RAG1: variants seen among roughly 807,000 people sequenced by gnomAD.
RAG1 encodes V(D)J recombination-activating protein 1.
Under a neutral mutation model 62.7 loss-of-function variants are expected in RAG1, and 35 were observed. The ratio of observed to expected loss-of-function variants is 0.56; its 90% CI spans 0.43 to 0.74. The LOEUF is 0.74. Ranked by LOEUF, RAG1 falls within the 30% of genes least tolerant of loss-of-function variation. The probability of loss-of-function intolerance (pLI) is 0.00; values close to 1 mark genes in which losing one functional copy is unlikely to be tolerated. For synonymous variants in RAG1, 461 were observed against 470.3 expected (o/e 0.98, Z 0.26); for missense variants, 1,169 against 1,278.6 (o/e 0.91, Z 1.31).
At position 36,514,501 on chromosome 11, in the gene RAG1, G is replaced by A. The variant is rs369423025; in HGVS notation, n.330+3463G>A. ...GATTCAAGTGCATTACATTTATTGCGCACTTTATTTCTATTATCATTACAT... is the reference window on the plus strand; with the variant it reads ...GATTCAAGTGCATTACATTTATTGCACACTTTATTTCTATTATCATTACAT... On this transcript the variant is annotated intron_variant and non_coding_transcript_variant, in intron 1 of 2. Coordinates refer to the RAG1 transcript ENST00000529126. Among the ~76,000 whole-genome samples the A allele has an allele frequency of 3.1e-4, 47 of 152,222 alleles. No homozygotes were observed. In the East Asian group the frequency reaches 3.9e-3, roughly 13 times the overall value.
In RAG1 at chr11:36,573,877, A is replaced by C. The variant is rs1850789362; in HGVS notation, c.573A>C (p.Pro191=). 6.2e-7 allele frequency: 1 copy of C among 1,614,098 alleles called. No homozygotes were observed. The highest frequency in any genetic ancestry group is 8.5e-7 in the Non-Finnish European group (1 of 1,180,024). ...SIMHRKFSSA[P]CEVYFPRNVT... ...TGCACAGGAAGTTTAGCAGTGCCCC[A>C]TGTGAGGTTTACTTCCCGAGGAACG... Residue 191 remains proline, a synonymous_variant, in exon 2 of 2, where the codon CCA becomes CCC. Coordinates refer to ENST00000299440, the MANE Select transcript of RAG1 (RefSeq NM_000448.3).
At chr11:36,521,967 A>G (rs1040482166) in intron 2 of RAG1, among the ~76,000 whole-genome samples, 8 of 152,290 alleles carry the variant, frequency 5.3e-5, no homozygotes, top group Non-Finnish European at 8.8e-5. Context: ...TAAGCAGGAA[A>G]GCATTCAAGA....
At chr11:36,524,083 T>C (rs1372368945) in intron 2 of RAG1, among the ~76,000 whole-genome samples, 1 of 152,170 alleles carries the variant, frequency 6.6e-6, no homozygotes, top group Non-Finnish European at 1.5e-5. Flanking sequence ...ATTTTTGGAC[T>C]GGGGTTGGCT....
At chr11:36,518,525 T>C (rs1048962243) in intron 1 of RAG1, among the ~76,000 whole-genome samples, 1 of 152,238 alleles carries the variant, frequency 6.6e-6, no homozygotes, top group African/African-American at 2.4e-5. Context: ...TTTTTAATGA[T>C]CGCCATTCTA....
At chr11:36,558,571 A>G (rs2133278211) in intron 3 of RAG1, among the ~76,000 whole-genome samples, 1 of 152,302 alleles carries the variant, frequency 6.6e-6, no homozygotes, top group South Asian at 2.1e-4. Flanking sequence ...TTTATCTAAT[A>G]TAAGCGTAGT....
chr11:36,540,881 T>C (rs1860406700), downstream of RAG1, among the ~76,000 whole-genome samples: 1 of 152,188 alleles, frequency 6.6e-6, no homozygotes, highest in Non-Finnish European at 1.5e-5. Context: ...AGTTCATTGG[T>C]TTAAATCCTC....
At chr11:36,530,795 G>A (rs1171334334) in intron 2 of RAG1, among the ~76,000 whole-genome samples, 1 of 151,826 alleles carries the variant, frequency 6.6e-6, no homozygotes, top group Admixed American at 6.6e-5. Context: ...GTTGTTGGAT[G>A]GAGTGCTCTG....
chr11:36,531,062 T>G (rs78113634), intron 2 of RAG1, among the ~76,000 whole-genome samples: 3 of 44,664 alleles, frequency 6.7e-5, no homozygotes, highest in Non-Finnish European at 1.2e-4. Context: ...GATTAAGGGT[T>G]TTTTTTTGCA....
At chr11:36,542,245 T>A (rs148956000) in intron 3 of RAG1, among the ~76,000 whole-genome samples, 4 of 152,340 alleles carry the variant, frequency 2.6e-5, no homozygotes, top group African/African-American at 9.6e-5. Flanking sequence ...TTATATGAAT[T>A]AATTTAGCTG....
At chr11:36,569,728 A>G (rs1850710331) in intron 1 of RAG1, among the ~76,000 whole-genome samples, 2 of 152,068 alleles carry the variant, frequency 1.3e-5, no homozygotes, top group Admixed American at 1.3e-4. Flanking sequence ...TGATACAAAA[A>G]TTAATAAAAT....
chr11:36,561,510 C>T (rs1203255646), intron 3 of RAG1, among the ~76,000 whole-genome samples: 1 of 152,096 alleles, frequency 6.6e-6, no homozygotes. Context: ...TTTGGCTAAA[C>T]ATTATTCCTC....
At chr11:36,523,303 G>C (rs1209035298) in intron 2 of RAG1, among the ~76,000 whole-genome samples, 1 of 152,154 alleles carries the variant, frequency 6.6e-6, no homozygotes, top group Non-Finnish European at 1.5e-5. Context: ...ATAGTGAATA[G>C]GTCTCATAAG....
At chr11:36,569,979 C>T (rs1397752844) in intron 1 of RAG1, among the ~76,000 whole-genome samples, 1 of 152,158 alleles carries the variant, frequency 6.6e-6, no homozygotes, top group East Asian at 1.9e-4. Context: ...TGCATCAGTG[C>T]ATACAGAAAA....
In RAG1 at chr11:36,575,960, A is replaced by G; in HGVS notation, c.2656A>G (p.Met886Val). ...GAGGCACGAGGCTCTGAGGGAGCTGATGGATCTTTACCTGAAGATGAAACC... is the reference window on the plus strand; with the variant it reads ...GAGGCACGAGGCTCTGAGGGAGCTGGTGGATCTTTACCTGAAGATGAAACC... ...EERHEALREL[M>V]DLYLKMKPVW... The change falls in exon 2 of 2, where the codon ATG becomes GTG. Residue 886 changes from methionine (M) to valine (V), a missense_variant. Around this residue, in one of 2 missense-constraint regions of RAG1, gnomAD observed 800 missense variants for 943.3 expected, o/e 0.85. Transcript: ENST00000299440. This position sits in a 1 kb window ranked among gnomAD's most constrained non-coding sequence, Gnocchi z 4.1. 1.9e-6 allele frequency: 3 copies of G among 1,614,198 alleles called. No individual in the cohort carries two copies. The highest frequency in any genetic ancestry group is 2.5e-6 in the Non-Finnish European group (3 of 1,180,016).
upstream of RAG1, among the ~76,000 whole-genome samples, chr11:36,567,791 C>T (rs4151000): frequency 0.066 from 10,096 of 152,220 alleles, 378 homozygotes; most frequent in Non-Finnish European, 0.078. Flanking sequence ...CAAACATTCT[C>T]AGGGAGGGAA....
chr11:36,574,210 C>T lies in RAG1; in HGVS notation c.906C>T (p.Asp302=), dbSNP rs4151030. ...AGATCTGTGAACACATTCTGGCTGA[C>T]CCTGTGGAGACCAACTGTAAGCATG... ...SCQICEHILA[D]PVETNCKHVF... The change falls in exon 2 of 2, where the codon GAC becomes GAT. Residue 302 remains aspartate (D), a synonymous_variant. Coordinates refer to ENST00000299440, the MANE Select transcript of RAG1 (RefSeq NM_000448.3). The T allele has an allele frequency of 1.2e-6, 2 of 1,614,036 alleles. No individual in the cohort carries two copies. The highest frequency in any genetic ancestry group is 2.7e-5 in the African/African-American group (2 of 74,898).
At chr11:36,516,440 G>C (rs900169060) in intron 1 of RAG1, among the ~76,000 whole-genome samples, 6 of 152,240 alleles carry the variant, frequency 3.9e-5, no homozygotes, top group African/African-American at 1.4e-4. Flanking sequence ...TCCTGCCTCA[G>C]CATCCCGAGT....
At chr11:36,544,441 A>G (rs763176213) in intron 3 of RAG1, among the ~76,000 whole-genome samples, 8 of 152,202 alleles carry the variant, frequency 5.3e-5, no homozygotes, top group Non-Finnish European at 1.2e-4. Context: ...GTACCAGAGG[A>G]ATCTAAGAAT....
At position 36,573,856 on chromosome 11, in the gene RAG1, C is replaced by T. The variant is rs1590702111; in HGVS notation, c.552C>T (p.His184=). 8 of 1,614,158 alleles carry T rather than the reference C, an allele frequency of 5.0e-6. No individual in the cohort carries two copies. The highest frequency in any genetic ancestry group is 6.8e-6 in the Non-Finnish European group (8 of 1,180,034). The change falls in exon 2 of 2, where the codon CAC becomes CAT. Residue 184 remains histidine, a synonymous_variant. Transcript: ENST00000299440. ...EFCHNCWSIM[H]RKFSSAPCEV... ...GCCATAACTGCTGGAGCATCATGCACAGGAAGTTTAGCAGTGCCCCATGTG... is the reference window on the plus strand; with the variant it reads ...GCCATAACTGCTGGAGCATCATGCATAGGAAGTTTAGCAGTGCCCCATGTG...
Sources: gnomAD v4.1 joint callset for allele counts (sites outside exome capture counted in the v4.1 genomes callset) on GRCh38, gnomAD v4.1.1 for gene constraint, gnomAD v4.1.1 regional missense constraint, Gnocchi (gnomAD v3.1) non-coding constraint, MANE v1.5 for transcripts, NCBI Gene and HGNC (gene_info 2026-07-23, HGNC 2026-07-21) for gene names.